The following STAT3 variants were observed in gnomAD, a reference collection of about 807,000 sequenced individuals.
The protein encoded by STAT3 is signal transducer and activator of transcription 3, also known as DNA-binding protein APRF.
A neutral mutation model predicts 114.3 loss-of-function variants in STAT3; 7 were observed. The ratio of observed to expected loss-of-function variants is 0.06; its 90% confidence interval spans 0.03 to 0.11. STAT3 has a LOEUF of 0.11. STAT3 is among the 10% of genes least tolerant of loss of function. STAT3 has a pLI of 1.00. For missense variants in STAT3, 364 were observed against 960.9 expected (o/e 0.38, Z 8.21); for synonymous variants, 331 against 354.5 (o/e 0.93, Z 0.74).
At chr17:42,334,294 G>T (rs942187207) in intron 8 of STAT3, among the ~76,000 whole-genome samples, 4 of 152,002 alleles carry the variant, frequency 2.6e-5, no homozygotes, top group Admixed American at 6.6e-5. Context: ...AATAAAAAAA[G>T]AAAATAATTT....
At position 42,337,308 on chromosome 17, in the gene STAT3, G is replaced by C; in HGVS notation, c.797+127C>G. Reference sequence around the variant, plus strand: ...AAATAAAGTAAAAACTTTAATTCTTGGGCTAAATTTGAATATGGAAAAGTC... The same window carrying C: ...AAATAAAGTAAAAACTTTAATTCTTCGGCTAAATTTGAATATGGAAAAGTC... On this transcript the variant is annotated intron_variant, in intron 8 of 23. Transcript: ENST00000264657. This position sits in a 1 kb window ranked among gnomAD's most constrained non-coding sequence, Gnocchi z 4.0. 1 of 1,377,026 alleles carries C rather than the reference G, an allele frequency of 7.3e-7. No individual in the cohort carries two copies. The highest frequency in any genetic ancestry group is 9.8e-7 in the Non-Finnish European group (1 of 1,024,772). 85.3% of individuals were successfully genotyped at this position (1,377,026 alleles called of 1,614,324 possible).
intron 1 of STAT3, among the ~76,000 whole-genome samples, chr17:42,380,347 G>T (rs2084710513): frequency 6.6e-6 from 1 of 150,680 alleles, no homozygotes; most frequent in African/African-American, 2.4e-5. Context: ...TATTCCACCT[G>T]CCCCTATGTA....
At chr17:42,342,076 T>C (rs1233160724) in intron 4 of STAT3, among the ~76,000 whole-genome samples, 1 of 152,196 alleles carries the variant, frequency 6.6e-6, no homozygotes, top group Non-Finnish European at 1.5e-5. Context: ...CAGAAAATCC[T>C]AGTGCTGCCT....
At chr17:42,348,128 A>G (rs2082779383) in intron 2 of STAT3, among the ~76,000 whole-genome samples, 1 of 152,172 alleles carries the variant, frequency 6.6e-6, no homozygotes, top group African/African-American at 2.4e-5. Flanking sequence ...GCCCAAGTAA[A>G]TGAGGTCCAA....
In STAT3 at chr17:42,324,127, T is replaced by G. The variant is rs934272651; in HGVS notation, c.1601-502A>C. 6.6e-6 allele frequency among the ~76,000 whole-genome samples: 1 copy of G among 152,150 alleles called. No individual in the cohort carries two copies. Among genetic ancestry groups the G allele is most frequent in the Non-Finnish European group, 1.5e-5 (1 of 68,016 alleles). On this transcript the variant is annotated intron_variant, in intron 17 of 23. Coordinates refer to ENST00000264657, the MANE Select transcript of STAT3 (RefSeq NM_139276.3). The surrounding 1 kb of genome is among the most constrained non-coding windows in gnomAD (Gnocchi z 4.5). ...CGAGGTGAAGAGACGGAGACTATCC[T>G]GGCCAACATGGTAAAACCCCGTCTC... is the stretch of plus-strand genomic sequence containing the variant.
At chr17:42,387,115 T>G (rs185580565) in intron 1 of STAT3, 8 of 152,362 alleles carry the variant, frequency 5.3e-5, no homozygotes, top group Non-Finnish European at 5.9e-5. Flanking sequence ...ACAGACTATG[T>G]AAACCTTTAG....
At chr17:42,382,816 T>G (rs919458866) in intron 1 of STAT3, among the ~76,000 whole-genome samples, 4 of 151,530 alleles carry the variant, frequency 2.6e-5, no homozygotes, top group Non-Finnish European at 5.9e-5. Context: ...TGGGCTAATT[T>G]TTTGTATTTT....
chr17:42,340,081 G>T (rs1172318917), intron 4 of STAT3, among the ~76,000 whole-genome samples: 1 of 152,128 alleles, frequency 6.6e-6, no homozygotes, highest in East Asian at 1.9e-4. Context: ...GTTCGTGCCA[G>T]GTGCGGTGGC....
chr17:42,332,765 G>A (rs908789105), intron 10 of STAT3, among the ~76,000 whole-genome samples: 3 of 152,036 alleles, frequency 2.0e-5, no homozygotes, highest in South Asian at 2.1e-4. Flanking sequence ...GCTTGAACCT[G>A]GGAGGTGGAG....
intron 12 of STAT3, 27 bp downstream of exon 12, chr17:42,329,719 CA>C (rs752813724): frequency 1.9e-6 from 3 of 1,614,100 alleles, no homozygotes; most frequent in Non-Finnish European, 2.5e-6. Flanking sequence ...TTAAACGGAA[CA>C]AAAGGAAGCC....
chr17:42,363,409 AC>A (rs1342641478), intron 1 of STAT3, among the ~76,000 whole-genome samples: 8 of 152,100 alleles, frequency 5.3e-5, no homozygotes, highest in Admixed American at 4.6e-4. Flanking sequence ...TACTCAGCCA[AC>A]TTTAGCCCCT....
At chr17:42,344,019 A>C (rs17879738) in intron 4 of STAT3, among the ~76,000 whole-genome samples, 1 of 152,156 alleles carries the variant, frequency 6.6e-6, no homozygotes, top group African/African-American at 2.4e-5. Context: ...AAAAGTATCA[A>C]TGGTAAAAGA....
intron 2 of STAT3, among the ~76,000 whole-genome samples, chr17:42,347,943 C>G (rs961696026): frequency 1.3e-5 from 2 of 152,198 alleles, no homozygotes; most frequent in Non-Finnish European, 2.9e-5. Flanking sequence ...ATTACCCAGT[C>G]TCAGGTATTT....
chr17:42,348,160 C>G (rs2082780303), intron 2 of STAT3, among the ~76,000 whole-genome samples: 1 of 152,160 alleles, frequency 6.6e-6, no homozygotes, highest in Admixed American at 6.5e-5. Flanking sequence ...AGACATCCAC[C>G]ACCATACAGG....
intron 1 of STAT3, among the ~76,000 whole-genome samples, chr17:42,383,246 G>A (rs1267267617): frequency 2.0e-5 from 3 of 152,062 alleles, no homozygotes; most frequent in Non-Finnish European, 4.4e-5. Context: ...TAGTAGAGAC[G>A]GGGTTTTACC....
intron 21 of STAT3, among the ~76,000 whole-genome samples, chr17:42,317,985 A>C (rs534812703): frequency 1.3e-4 from 20 of 151,794 alleles, no homozygotes; most frequent in Non-Finnish European, 2.9e-4. Context: ...ACAGAGTCTC[A>C]CTCTGTTGCC....
intron 20 of STAT3, 27 bp from the exon 21 acceptor site, chr17:42,322,521 T>C (rs750467469): frequency 1.9e-6 from 3 of 1,612,926 alleles, no homozygotes; most frequent in African/African-American, 2.7e-5. Flanking sequence ...GAAGGAAAGA[T>C]CATGGAACCT....
rs2082088450 is a variant in STAT3, at chr17:42,333,018, G to A, written c.1049+655C>T. ...TGTCTCAAACAAAAACAAAAGATGA[G>A]TATCACTCCTTCAAGCCAAAGGTAC... On this transcript the variant is annotated intron_variant, in intron 10 of 23. Transcript: ENST00000264657. This position sits in a 1 kb window ranked among gnomAD's most constrained non-coding sequence, Gnocchi z 5.2. 6.6e-6 allele frequency among the ~76,000 whole-genome samples: 1 copy of A among 152,054 alleles called. No individual in the cohort carries two copies. Among genetic ancestry groups the A allele is most frequent in the African/African-American group, 2.4e-5 (1 of 41,420 alleles).
intron 8 of STAT3, among the ~76,000 whole-genome samples, chr17:42,334,696 C>T (rs1446753322): frequency 6.6e-6 from 1 of 152,110 alleles, no homozygotes; most frequent in East Asian, 1.9e-4. Flanking sequence ...CCATCTGCCT[C>T]GACCTCCCGA....
Sources: gnomAD v4.1 joint callset for allele counts (sites outside exome capture counted in the v4.1 genomes callset) on GRCh38, gnomAD v4.1.1 for gene constraint, Gnocchi (gnomAD v3.1) non-coding constraint, MANE v1.5 for transcripts, NCBI Gene and HGNC (gene_info 2026-07-23, HGNC 2026-07-21) for gene names.